SAXO2: variants seen among roughly 807,000 people sequenced by gnomAD.
The protein encoded by SAXO2 is stabilizer of axonemal microtubules 2, also known as family with sequence similarity 154, member B.
In SAXO2, 17 loss-of-function variants were observed where a neutral mutation model predicts 18.7. That is an observed-to-expected ratio of 0.91 (90% CI 0.62 to 1.36). The LOEUF is 1.36. SAXO2 is among the 40% of genes most tolerant of loss of function. The pLI is 0.00. For missense variants in SAXO2, 486 were observed against 562.6 expected (o/e 0.86, Z 1.38); for synonymous variants, 163 against 181.2 (o/e 0.90, Z 0.81).
chr15:82,266,184 A>T lies in SAXO2; in HGVS notation c.233+436A>T, dbSNP rs1174692019. Among the ~76,000 whole-genome samples, 4 of 152,306 alleles carry T rather than the reference A, an allele frequency of 2.6e-5. No individual in the cohort carries two copies. The South Asian group carries it at 6.2e-4, about 24-fold the overall frequency. ...CAAAAAAATCTCATAATGTTTTAAG[A>T]AAGTTTACGAATTTGCATTGGGCCT... On this transcript the variant is annotated intron_variant, in intron 2 of 3. Coordinates refer to ENST00000682753, the MANE Select transcript of SAXO2 (RefSeq NM_001348699.2).
At chr15:82,277,816 A>G (rs2075328449) in intron 3 of SAXO2, among the ~76,000 whole-genome samples, 2 of 152,162 alleles carry the variant, frequency 1.3e-5, no homozygotes, top group Non-Finnish European at 1.5e-5. Flanking sequence ...TTTAATTGCT[A>G]AAGACTTGAG....
At chr15:82,267,674 A>C (rs1384647535) in intron 2 of SAXO2, among the ~76,000 whole-genome samples, 1 of 152,204 alleles carries the variant, frequency 6.6e-6, no homozygotes, top group Non-Finnish European at 1.5e-5. Flanking sequence ...TCCAACTTTT[A>C]GTCTAATATT....
chr15:82,279,192 A>C (rs2075341082), intron 3 of SAXO2, among the ~76,000 whole-genome samples: 1 of 152,210 alleles, frequency 6.6e-6, no homozygotes, highest in Non-Finnish European at 1.5e-5. Flanking sequence ...AATGAAAGAG[A>C]ATAGACCTTA....
chr15:82,275,832 C>T (rs1024445951), intron 3 of SAXO2, among the ~76,000 whole-genome samples: 1 of 151,956 alleles, frequency 6.6e-6, no homozygotes, highest in Non-Finnish European at 1.5e-5. Context: ...ACTGAATGGA[C>T]AAAAAACCGG....
At chr15:82,270,964 C>T (rs2075265794) in intron 2 of SAXO2, among the ~76,000 whole-genome samples, 1 of 152,182 alleles carries the variant, frequency 6.6e-6, no homozygotes, top group African/African-American at 2.4e-5. Context: ...GTCTGCAGTA[C>T]TACCTCTGTC....
chr15:82,282,688 A>G lies in SAXO2; in HGVS notation c.1003A>G (p.Asn335Asp). Residue 335 changes from asparagine (N) to aspartate (D), a missense_variant, in exon 4 of 4, where the codon AAC becomes GAC. By Grantham distance (23) the Asn-to-Asp change is conservative. Transcript: ENST00000682753. The part of the protein sequence containing the change: ...PIRPVSQKRS[N>D]NFPFQGKSIM... Reference sequence around the variant, plus strand: ...CAGGCCAGTTTCTCAAAAAAGAAGTAACAATTTTCCTTTCCAAGGAAAAAG... The same window carrying G: ...CAGGCCAGTTTCTCAAAAAAGAAGTGACAATTTTCCTTTCCAAGGAAAAAG... 6.2e-7 allele frequency: 1 copy of G among 1,614,194 alleles called. No individual in the cohort carries two copies. Among genetic ancestry groups the G allele is most frequent in the South Asian group, 1.1e-5 (1 of 91,078 alleles).
At chr15:82,264,006 T>C (rs1264110949) in intron 1 of SAXO2, among the ~76,000 whole-genome samples, 1 of 151,938 alleles carries the variant, frequency 6.6e-6, no homozygotes, top group Non-Finnish European at 1.5e-5. Flanking sequence ...GTAAAACGCC[T>C]TCATAATTCT....
At chr15:82,274,806 C>T (rs28579320) in intron 3 of SAXO2, among the ~76,000 whole-genome samples, 1 of 151,528 alleles carries the variant, frequency 6.6e-6, no homozygotes, top group South Asian at 2.1e-4. Flanking sequence ...GTTTATAATG[C>T]TAAATGCCTA....
chr15:82,273,727 T>C lies in SAXO2; in HGVS notation c.433+1925T>C, dbSNP rs147007301. ...TGGCATAAATAATAATTGATGAAAA[T>C]GAATTTGTTCTTTTTTTGTTTGTTT... On this transcript the variant is annotated intron_variant, in intron 3 of 3. Coordinates refer to ENST00000682753, the MANE Select transcript of SAXO2 (RefSeq NM_001348699.2). 2.1e-4 allele frequency among the ~76,000 whole-genome samples: 32 copies of C among 151,988 alleles called. 1 individual carries two copies. The East Asian group carries it at 6.2e-3, about 29-fold the overall frequency.
rs2075384424 is a variant in SAXO2 at position 82,283,280 on chromosome 15, G to A, written c.*218G>A. 2 of 328,990 alleles carry A rather than the reference G, an allele frequency of 6.1e-6. No homozygotes were observed. Among genetic ancestry groups the A allele is most frequent in the Non-Finnish European group, 1.1e-5 (2 of 187,016 alleles). 20.4% of individuals were successfully genotyped at this position (328,990 alleles called of 1,614,324 possible). The stretch of plus-strand genomic sequence containing the variant: ...TCTTTAATGTGCATTTCAGAAGGTT[G>A]AATAATATGCATTCCCATGAGAACT... On this transcript the variant is annotated 3_prime_UTR_variant, in exon 4 of 4. Transcript: ENST00000682753.
intron 2 of SAXO2, among the ~76,000 whole-genome samples, chr15:82,270,922 G>A (rs1193795524): frequency 6.6e-6 from 1 of 152,134 alleles, no homozygotes; most frequent in Non-Finnish European, 1.5e-5. Context: ...CTAAGTTTGT[G>A]GTCTTCTCCA....
Position 82,271,636 on chromosome 15 carries a change from G to A in SAXO2, c.267G>A (p.Gln89=), listed in dbSNP as rs772451293. Residue 89 remains glutamine, a synonymous_variant, in exon 3 of 4, where the codon CAG becomes CAA. Transcript: ENST00000682753. ...SDYCPYEIVK[Q]PRHVPEEYKP... ...ATTGTCCTTATGAAATAGTTAAACA[G>A]CCTCGCCATGTGCCAGAAGAATATA... 7.4e-6 allele frequency: 12 copies of A among 1,613,642 alleles called. No individual in the cohort carries two copies. Among genetic ancestry groups the A allele is most frequent in the Non-Finnish European group, 1.0e-5 (12 of 1,179,792 alleles).
At chr15:82,270,343 AACAG>A (rs2075259473) in intron 2 of SAXO2, among the ~76,000 whole-genome samples, 2 of 152,196 alleles carry the variant, frequency 1.3e-5, no homozygotes, top group Admixed American at 6.5e-5. Context: ...GTTTCCTAGA[AACAG>A]ACAGTGTGCA....
chr15:82,264,676 A>G (rs1229159868), intron 1 of SAXO2: 1 of 702,380 alleles, frequency 1.4e-6, no homozygotes, highest in Non-Finnish European at 2.6e-6. Flanking sequence ...ACCACAGACC[A>G]GGACTGACAA....
chr15:82,275,143 T>C (rs937235152), intron 3 of SAXO2, among the ~76,000 whole-genome samples: 1 of 151,452 alleles, frequency 6.6e-6, no homozygotes, highest in Non-Finnish European at 1.5e-5. Context: ...CTTCTCTAGG[T>C]ACACAAATTA....
At chr15:82,278,639 A>G (rs1321002836) in intron 3 of SAXO2, among the ~76,000 whole-genome samples, 1 of 152,194 alleles carries the variant, frequency 6.6e-6, no homozygotes, top group African/African-American at 2.4e-5. Flanking sequence ...CTTCATCCAG[A>G]TAAACTATAT....
intron 3 of SAXO2, among the ~76,000 whole-genome samples, chr15:82,275,622 A>G (rs572329615): frequency 6.6e-6 from 1 of 152,352 alleles, no homozygotes; most frequent in East Asian, 1.9e-4. Flanking sequence ...ATGGTCCAAC[A>G]TATGCAAATC....
chr15:82,271,958 G>A, intron 3 of SAXO2, 156 bp downstream of exon 3: 1 of 604,586 alleles, frequency 1.7e-6, no homozygotes, highest in Non-Finnish European at 2.8e-6. Flanking sequence ...GTATTGTATA[G>A]TAACAAAAGA....
chr15:82,273,188 G>A (rs2075287545), intron 3 of SAXO2, among the ~76,000 whole-genome samples: 1 of 152,084 alleles, frequency 6.6e-6, no homozygotes, highest in South Asian at 2.1e-4. Context: ...TTACAGATGT[G>A]AGCCCCTGCA....
Sources: allele counts gnomAD v4.1 joint callset (sites outside exome capture counted in the v4.1 genomes callset), GRCh38; gene constraint gnomAD v4.1.1; transcripts MANE v1.5; gene names NCBI Gene and HGNC (gene_info 2026-07-23, HGNC 2026-07-21).